Variants in FILIP1L observed in about 807,000 individuals in gnomAD.
FILIP1L encodes filamin A-interacting protein 1-like.
In FILIP1L, 55 loss-of-function variants were observed where a neutral mutation model predicts 96.6. The ratio of observed to expected loss-of-function variants is 0.57; its 90% CI spans 0.46 to 0.71. The LOEUF (loss-of-function observed/expected upper bound fraction) is 0.71. FILIP1L is among the 30% of genes least tolerant of loss of function. FILIP1L has a pLI of 0.00. For missense variants in FILIP1L, 1,304 were observed against 1,321.2 expected, an observed-to-expected ratio of 0.99 and a Z score of 0.20; for synonymous variants, 467 against 473.9, an observed-to-expected ratio of 0.99 and a Z score of 0.19.
intron 4 of FILIP1L, among the ~76,000 whole-genome samples, chr3:99,888,104 A>G (rs1705968076): frequency 6.6e-6 from 1 of 152,246 alleles, no homozygotes; most frequent in South Asian, 2.1e-4. Flanking sequence ...GATGTGGAGC[A>G]GCATCTATTG....
At chr3:99,868,862 A>C (rs1287496931) in intron 4 of FILIP1L, among the ~76,000 whole-genome samples, 1 of 152,150 alleles carries the variant, frequency 6.6e-6, no homozygotes, top group African/African-American at 2.4e-5. Context: ...CAGCCCTTAC[A>C]GCTTTATTAC....
intron 4 of FILIP1L, among the ~76,000 whole-genome samples, chr3:99,897,331 T>C (rs1400978840): frequency 6.6e-6 from 1 of 151,652 alleles, no homozygotes; most frequent in African/African-American, 2.4e-5. Context: ...ATTGCACCAT[T>C]GCACTCCAGC....
At chr3:99,900,805 T>C (rs1706411013) in intron 4 of FILIP1L, among the ~76,000 whole-genome samples, 1 of 152,216 alleles carries the variant, frequency 6.6e-6, no homozygotes, top group African/African-American at 2.4e-5. Flanking sequence ...TCTGACCTAA[T>C]TGATGTGCCC....
chr3:100,112,561 A>C (rs2066509533), intron 1 of FILIP1L, among the ~76,000 whole-genome samples: 2 of 152,236 alleles, frequency 1.3e-5, no homozygotes, highest in Non-Finnish European at 2.9e-5. Flanking sequence ...AGACAATTAC[A>C]CATGAACTTT....
chr3:100,002,832 A>G (rs1308851470), intron 1 of FILIP1L, among the ~76,000 whole-genome samples: 2 of 152,166 alleles, frequency 1.3e-5, no homozygotes, highest in Non-Finnish European at 2.9e-5. Context: ...CCTCTAAAGC[A>G]TGATTTAAAC....
intron 1 of FILIP1L, chr3:100,041,307 G>C (rs1274067791): frequency 1.3e-5 from 2 of 152,200 alleles, no homozygotes; most frequent in South Asian, 2.1e-4. Flanking sequence ...GCAAAATTAT[G>C]ATGGAAACTC....
At chr3:100,036,051 A>G (rs934417989) in intron 1 of FILIP1L, among the ~76,000 whole-genome samples, 4 of 152,212 alleles carry the variant, frequency 2.6e-5, no homozygotes, top group Non-Finnish European at 5.9e-5. Flanking sequence ...ATAGAACCCA[A>G]AACTAAAAAC....
chr3:99,856,247 G>A (rs185353800), intron 4 of FILIP1L, among the ~76,000 whole-genome samples: 1 of 152,358 alleles, frequency 6.6e-6, no homozygotes, highest in East Asian at 1.9e-4. Context: ...AGTTTGCTAA[G>A]AAGTTTGTTT....
intron 1 of FILIP1L, among the ~76,000 whole-genome samples, chr3:100,031,126 T>C (rs1332199683): frequency 6.6e-6 from 1 of 152,184 alleles, no homozygotes; most frequent in Non-Finnish European, 1.5e-5. Flanking sequence ...GAACATATTT[T>C]CCTAGACATC....
At chr3:99,984,938 A>G (rs1309781092) in intron 1 of FILIP1L, among the ~76,000 whole-genome samples, 1 of 152,202 alleles carries the variant, frequency 6.6e-6, no homozygotes, top group African/African-American at 2.4e-5. Context: ...CAGGTTAAAT[A>G]AACTGAGGAT....
chr3:99,987,088 A>G (rs1002298447), intron 1 of FILIP1L, among the ~76,000 whole-genome samples: 4 of 151,782 alleles, frequency 2.6e-5, no homozygotes, highest in African/African-American at 7.3e-5. Flanking sequence ...AAATTAGCCA[A>G]CCGTGGTGGC....
At chr3:99,865,348 CTATCTCATATATTA>C (rs1944461313) in intron 4 of FILIP1L, among the ~76,000 whole-genome samples, 1 of 152,152 alleles carries the variant, frequency 6.6e-6, no homozygotes, top group Non-Finnish European at 1.5e-5. Flanking sequence ...TCCACACTTC[CTATCTCATATATTA>C]TATCTCATGA....
At chr3:100,016,672 A>G (rs1243989473) in intron 1 of FILIP1L, among the ~76,000 whole-genome samples, 4 of 152,234 alleles carry the variant, frequency 2.6e-5, no homozygotes, top group Non-Finnish European at 5.9e-5. Flanking sequence ...TTTCACATGT[A>G]AAGTCCATGC....
intron 4 of FILIP1L, among the ~76,000 whole-genome samples, chr3:99,876,432 A>G (rs1705529298): frequency 6.6e-6 from 1 of 152,318 alleles, no homozygotes; most frequent in South Asian, 2.1e-4. Flanking sequence ...GGGCTAACAA[A>G]GTCATTGGGA....
intron 1 of FILIP1L, among the ~76,000 whole-genome samples, chr3:99,990,591 A>G (rs957221733): frequency 3.3e-5 from 5 of 152,158 alleles, no homozygotes; most frequent in African/African-American, 1.2e-4. Context: ...CCTCTAAATA[A>G]TACCAATTCT....
rs1559656935 is a variant in FILIP1L, at chr3:99,849,679, T to C, written c.1997A>G (p.Glu666Gly). ...AGATAAAAATTGAGCTTTGTCTCGT[T>C]CATTAGCATACCTTCGTTCTAGAGT... ...YETLERRYAN[E>G]RDKAQFLSKE... The change falls in exon 5 of 6, where the codon GAA (glutamate) becomes GGA (glycine). Residue 666 changes from glutamate to glycine, a missense_variant. Coordinates refer to ENST00000477258, the MANE Select transcript of FILIP1L (RefSeq NM_001387850.1). 6.2e-7 allele frequency: 1 copy of C among 1,613,546 alleles called. No individual in the cohort carries two copies. The highest frequency in any genetic ancestry group is 8.5e-7 in the Non-Finnish European group (1 of 1,179,950).
At chr3:100,089,001 G>C (rs1244796956) in intron 1 of FILIP1L, among the ~76,000 whole-genome samples, 2 of 152,178 alleles carry the variant, frequency 1.3e-5, no homozygotes, top group Non-Finnish European at 2.9e-5. Context: ...ACTCTCCAGA[G>C]AGAAAGTATC....
intron 1 of FILIP1L, among the ~76,000 whole-genome samples, chr3:100,079,376 A>G (rs2065898302): frequency 6.6e-6 from 1 of 152,222 alleles, no homozygotes; most frequent in Admixed American, 6.5e-5. Context: ...TTTAATTTCC[A>G]TATAGTTGCT....
intron 4 of FILIP1L, among the ~76,000 whole-genome samples, chr3:99,865,951 T>TA (rs751094915): frequency 1.2e-3 from 179 of 152,190 alleles, no homozygotes; most frequent in Non-Finnish European, 2.0e-3. Context: ...TAACCTCCAT[T>TA]AGTCCCTTTT....
Sources: gnomAD v4.1 joint callset for allele counts (sites outside exome capture counted in the v4.1 genomes callset) on GRCh38, gnomAD v4.1.1 for gene constraint, MANE v1.5 for transcripts, NCBI Gene and HGNC (gene_info 2026-07-23, HGNC 2026-07-21) for gene names.